CBLC: variants seen among roughly 807,000 people sequenced by gnomAD.
The protein encoded by CBLC is E3 ubiquitin-protein ligase CBL-C.
A neutral mutation model predicts 58.6 loss-of-function variants in CBLC; 46 were observed. The observed-to-expected ratio is 0.79, with a 90% CI of 0.62 to 1.00. CBLC has a LOEUF of 1.00. Ranked by LOEUF, CBLC falls within the 50% of genes least tolerant of loss-of-function variation. The probability of loss-of-function intolerance (pLI) is 0.00; values close to 1 mark genes in which losing one functional copy is unlikely to be tolerated. For synonymous variants in CBLC, 271 were observed against 264.2 expected, an observed-to-expected ratio of 1.03 and a Z score of -0.25; for missense variants, 655 against 625.8, an observed-to-expected ratio of 1.05 and a Z score of -0.50.
At chr19:44,800,321 G>C (rs748913) in intron 9 of CBLC, 60 bp from the exon 10 acceptor site, 19,514 of 1,186,218 alleles carry the variant, frequency 0.016, 845 homozygotes, top group East Asian at 0.11. Flanking sequence ...AGGGAAGAGG[G>C]GCAGAGGGAA....
chr19:44,788,404 CA>C (rs1967965639), intron 5 of CBLC, among the ~76,000 whole-genome samples: 1 of 151,640 alleles, frequency 6.6e-6, no homozygotes, highest in South Asian at 2.1e-4. Context: ...GGGATTCAGG[CA>C]TGAGCCACTG....
intron 5 of CBLC, among the ~76,000 whole-genome samples, chr19:44,789,042 C>G (rs911896034): frequency 9.2e-5 from 14 of 152,236 alleles, no homozygotes; most frequent in African/African-American, 3.4e-4. Context: ...CTATACATGT[C>G]GGAATAACTG....
intron 6 of CBLC, among the ~76,000 whole-genome samples, chr19:44,791,954 C>A (rs559076941): frequency 6.6e-6 from 1 of 151,956 alleles, no homozygotes; most frequent in African/African-American, 2.4e-5. Context: ...CAGGCATGAG[C>A]CACAGCGCCA....
intron 9 of CBLC, among the ~76,000 whole-genome samples, chr19:44,795,711 G>A (rs996069176): frequency 6.6e-6 from 1 of 152,042 alleles, no homozygotes; most frequent in African/African-American, 2.4e-5. Flanking sequence ...AAGATCTTTC[G>A]CCACCCGGCA....
intron 2 of CBLC, 64 bp downstream of exon 2, chr19:44,781,115 T>G: frequency 6.3e-7 from 1 of 1,579,472 alleles, no homozygotes; most frequent in Non-Finnish European, 8.6e-7. Context: ...GACCCAGGGG[T>G]CCAGGCCCAC....
At chr19:44,787,843 G>A (rs1043030281) in intron 5 of CBLC, among the ~76,000 whole-genome samples, 5 of 150,432 alleles carry the variant, frequency 3.3e-5, no homozygotes, top group Non-Finnish European at 7.4e-5. Flanking sequence ...AAATTTATTC[G>A]CCAAGCATGG....
At position 44,781,211 on chromosome 19, in the gene CBLC, G is replaced by T; in HGVS notation, c.505G>T (p.Val169Leu). The change falls in exon 3 of 11, where the codon GTG (valine) becomes TTG (leucine). Residue 169 changes from valine (V) to leucine (L), a missense_variant. By Grantham distance (32) the Val-to-Leu change is conservative. Coordinates refer to ENST00000647358, the MANE Select transcript of CBLC (RefSeq NM_012116.4). ...CCCCACCCCTCTCCCACCCAGGTGT[G>T]TGCTGCCCTGGGCTGAGTTTGAGTC... ...FWRESCGARCVLPWAEFESLL... is the reference protein window; with the variant it reads ...FWRESCGARCLLPWAEFESLL... The T allele has an allele frequency of 1.2e-6, 2 of 1,611,626 alleles. No individual in the cohort carries two copies. Among genetic ancestry groups the T allele is most frequent in the Non-Finnish European group, 1.7e-6 (2 of 1,178,840 alleles).
chr19:44,799,376 A>C (rs1968240820), intron 9 of CBLC, among the ~76,000 whole-genome samples: 1 of 151,872 alleles, frequency 6.6e-6, no homozygotes, highest in Non-Finnish European at 1.5e-5. Flanking sequence ...CTTGTTGCCC[A>C]GGCTGGAGTG....
intron 1 of CBLC, 46 bp from the exon 2 acceptor site, chr19:44,780,859 C>G (rs375723461): frequency 2.6e-5 from 42 of 1,591,496 alleles, no homozygotes; most frequent in Non-Finnish European, 3.3e-5. Flanking sequence ...AAGAGGGTGT[C>G]AGTGGGAGCC....
intron 10 of CBLC, 28 bp downstream of exon 10, chr19:44,800,478 C>T (rs1968271822): frequency 4.7e-6 from 6 of 1,272,408 alleles, no homozygotes; most frequent in Non-Finnish European, 5.7e-6. Context: ...CCCTCCCTGG[C>T]CCACTCCACC....
intron 6 of CBLC, 27 bp from the exon 7 acceptor site, chr19:44,792,356 T>C (rs1448804873): frequency 1.2e-6 from 2 of 1,611,938 alleles, no homozygotes; most frequent in Admixed American, 1.7e-5. Context: ...TGCCCCTCGC[T>C]GTCTTCTCTA....
intron 9 of CBLC, among the ~76,000 whole-genome samples, chr19:44,796,763 T>A (rs1451995017): frequency 6.6e-6 from 1 of 152,130 alleles, no homozygotes; most frequent in Non-Finnish European, 1.5e-5. Context: ...GACCCTGGAT[T>A]GCTGGGGAGA....
intron 5 of CBLC, among the ~76,000 whole-genome samples, chr19:44,787,985 C>G (rs910228231): frequency 1.3e-5 from 2 of 151,326 alleles, no homozygotes; most frequent in Non-Finnish European, 2.9e-5. Context: ...TAGTTACCGA[C>G]AAGGTATCAC....
intron 1 of CBLC, 100 bp from the exon 2 acceptor site, chr19:44,780,805 G>A: frequency 8.1e-7 from 1 of 1,237,096 alleles, no homozygotes; most frequent in South Asian, 1.4e-5. Context: ...TGTTGAGATA[G>A]AGTCCAGAGC....
rs1015821828 is a variant in CBLC, at chr19:44,780,825, G to T, written c.354-80G>T. Reference sequence around the variant, plus strand: ...AGATAGAGTCCAGAGCCTTATCCCTGCAGGTGTTCCCCATGAGGGGAGGAA... The same window carrying T: ...AGATAGAGTCCAGAGCCTTATCCCTTCAGGTGTTCCCCATGAGGGGAGGAA... On this transcript the variant is annotated intron_variant, in intron 1 of 10. Coordinates refer to ENST00000647358, the MANE Select transcript of CBLC (RefSeq NM_012116.4). 34 of 1,421,580 alleles carry T rather than the reference G, an allele frequency of 2.4e-5. No individual in the cohort carries two copies. The African/African-American group carries it at 3.4e-4, about 14-fold the overall frequency. The allele number at this position is 1,421,580 out of a possible 1,614,324, so 88.1% of individuals were successfully genotyped here.
chr19:44,786,535 C>T (rs2078037805), intron 5 of CBLC, among the ~76,000 whole-genome samples: 1 of 148,270 alleles, frequency 6.7e-6, no homozygotes, highest in African/African-American at 2.5e-5. Context: ...GCGGAGGTTG[C>T]AGTGAGCCGA....
chr19:44,796,511 A>G (rs762376804), intron 9 of CBLC, among the ~76,000 whole-genome samples: 40 of 151,824 alleles, frequency 2.6e-4, no homozygotes, highest in South Asian at 2.1e-4. Flanking sequence ...CAGCCTCCTG[A>G]GTAGCTGGGA....
At chr19:44,788,942 G>A (rs1967978168) in intron 5 of CBLC, among the ~76,000 whole-genome samples, 1 of 152,212 alleles carries the variant, frequency 6.6e-6, no homozygotes, top group South Asian at 2.1e-4. Flanking sequence ...GCCACTGTGG[G>A]GCCCAGGTCA....
intron 5 of CBLC, among the ~76,000 whole-genome samples, chr19:44,786,966 A>G (rs1384354182): frequency 6.6e-6 from 1 of 152,134 alleles, no homozygotes; most frequent in African/African-American, 2.4e-5. Flanking sequence ...GTATGCCTAT[A>G]ATCCCAGCTA....
Sources: allele counts gnomAD v4.1 joint callset (sites outside exome capture counted in the v4.1 genomes callset), GRCh38; gene constraint gnomAD v4.1.1; transcripts MANE v1.5; gene names NCBI Gene and HGNC (gene_info 2026-07-23, HGNC 2026-07-21).